CPEB3: variants seen among roughly 807,000 people sequenced by gnomAD.
CPEB3 encodes cytoplasmic polyadenylation element-binding protein 3.
In CPEB3, 20 loss-of-function variants were observed where a neutral mutation model predicts 67.2. The ratio of observed to expected loss-of-function variants is 0.30; its 90% CI spans 0.21 to 0.43. The LOEUF is 0.43. CPEB3 is among the 20% of genes least tolerant of loss of function. The probability of loss-of-function intolerance (pLI) is 1.00; values close to 1 mark genes in which losing one functional copy is unlikely to be tolerated. For missense variants in CPEB3, 746 were observed against 968.6 expected (o/e 0.77, Z 3.05); for synonymous variants, 376 against 393.1 (o/e 0.96, Z 0.51).
At chr10:92,165,403 C>CT (rs34205234) in intron 4 of CPEB3, among the ~76,000 whole-genome samples, 116,950 of 121,472 alleles carry the variant, frequency 0.96, 56,390 homozygotes, top group East Asian at 0.98. Flanking sequence ...CTTTTTTCTT[C>CT]TTTTTTTTTT....
At chr10:92,214,450 T>C (rs895319058) in intron 2 of CPEB3, among the ~76,000 whole-genome samples, 5 of 152,176 alleles carry the variant, frequency 3.3e-5, no homozygotes, top group African/African-American at 7.2e-5. Flanking sequence ...CTGTGGTATT[T>C]TTGTTACAGC....
chr10:92,115,986 C>T (rs1845004456), intron 6 of CPEB3, among the ~76,000 whole-genome samples: 1 of 151,782 alleles, frequency 6.6e-6, no homozygotes, highest in Non-Finnish European at 1.5e-5. Flanking sequence ...TTTTCTTCCA[C>T]AACAGTATCA....
intron 1 of CPEB3, among the ~76,000 whole-genome samples, chr10:92,280,343 C>CA (rs60338900): frequency 0.02 from 752 of 37,522 alleles, 2 homozygotes; most frequent in Middle Eastern, 0.053. Context: ...AACTCCATCT[C>CA]AAAAAAAAAA....
chr10:92,248,375 G>C (rs1439845555), intron 1 of CPEB3, among the ~76,000 whole-genome samples: 3 of 152,112 alleles, frequency 2.0e-5, no homozygotes, highest in South Asian at 2.1e-4. Flanking sequence ...TTGAATCAAA[G>C]AATATGTGGA....
intron 1 of CPEB3, among the ~76,000 whole-genome samples, chr10:92,288,899 A>T (rs1271905314): frequency 1.3e-5 from 2 of 152,226 alleles, no homozygotes; most frequent in African/African-American, 4.8e-5. Context: ...AAATAAGTAC[A>T]CAATAAGGTT....
At chr10:92,149,958 A>G (rs116400298) in intron 4 of CPEB3, among the ~76,000 whole-genome samples, 4 of 152,364 alleles carry the variant, frequency 2.6e-5, no homozygotes, top group African/African-American at 7.2e-5. Flanking sequence ...CCTGGGAAAT[A>G]TCCAAGTTCA....
chr10:92,098,770 C>CTTTTTT (rs984013045), intron 7 of CPEB3, among the ~76,000 whole-genome samples: 34 of 124,544 alleles, frequency 2.7e-4, no homozygotes, highest in East Asian at 4.4e-4. Flanking sequence ...TTCTTTTTTT[C>CTTTTTT]TTTTTTTTTT....
At chr10:92,199,877 T>C (rs912475994) in intron 2 of CPEB3, among the ~76,000 whole-genome samples, 1 of 136,474 alleles carries the variant, frequency 7.3e-6, no homozygotes, top group Non-Finnish European at 1.5e-5. Flanking sequence ...TATACGAACC[T>C]ATTTTTCTCC....
intron 2 of CPEB3, among the ~76,000 whole-genome samples, chr10:92,200,504 C>T (rs1411663705): frequency 1.4e-5 from 2 of 143,650 alleles, no homozygotes; most frequent in Non-Finnish European, 3.0e-5. Context: ...GAGATCACAC[C>T]ACTGCACTCC....
chr10:92,094,182 C>G (rs898277114), intron 7 of CPEB3, among the ~76,000 whole-genome samples: 2 of 152,018 alleles, frequency 1.3e-5, no homozygotes, highest in East Asian at 3.9e-4. Flanking sequence ...ACACTGTTGC[C>G]CTCACCAGTT....
At chr10:92,102,299 A>C (rs1376046487) in intron 7 of CPEB3, among the ~76,000 whole-genome samples, 1 of 152,226 alleles carries the variant, frequency 6.6e-6, no homozygotes, top group African/African-American at 2.4e-5. Flanking sequence ...TCTCACATTC[A>C]GACTATTCCT....
In CPEB3 at chr10:92,207,171, C is replaced by G. The variant is rs191803271; in HGVS notation, c.1006-14535G>C. Among the ~76,000 whole-genome samples the G allele has an allele frequency of 2.9e-3, 447 of 152,144 alleles. 3 individuals carry two copies. Among genetic ancestry groups the G allele is most frequent in the African/African-American group, 0.01 (429 of 41,536 alleles). ...CTAATTTTGGTATTTTTTGTAGAGACAGGGTTTTGCCATGTTGCTCAGGCT... is the reference window on the plus strand; with the variant it reads ...CTAATTTTGGTATTTTTTGTAGAGAGAGGGTTTTGCCATGTTGCTCAGGCT... On this transcript the variant is annotated intron_variant, in intron 2 of 9. Coordinates refer to ENST00000265997, the MANE Select transcript of CPEB3 (RefSeq NM_014912.5).
chr10:92,206,999 G>A (rs767341684), intron 2 of CPEB3, among the ~76,000 whole-genome samples: 72 of 149,742 alleles, frequency 4.8e-4, no homozygotes, highest in Admixed American at 8.6e-4. Context: ...CTTTTTTTTT[G>A]TTTTGAGACA....
chr10:92,236,746 T>TCA (rs3047561), intron 2 of CPEB3, among the ~76,000 whole-genome samples: 13,105 of 150,704 alleles, frequency 0.087, 1,528 homozygotes, highest in African/African-American at 0.27. Flanking sequence ...TGAAACATTG[T>TCA]CACACACACA....
At chr10:92,245,133 CTT>C (rs989695063) in intron 1 of CPEB3, among the ~76,000 whole-genome samples, 4 of 98,058 alleles carry the variant, frequency 4.1e-5, no homozygotes, top group African/African-American at 4.0e-5. Flanking sequence ...AGAAAAGAGT[CTT>C]TTTTTTTTTT....
intron 1 of CPEB3, among the ~76,000 whole-genome samples, chr10:92,259,641 T>C (rs960042738): frequency 2.0e-5 from 3 of 152,160 alleles, no homozygotes; most frequent in Non-Finnish European, 4.4e-5. Context: ...CACATTTTTA[T>C]TGCTTTGCAT....
intron 4 of CPEB3, among the ~76,000 whole-genome samples, chr10:92,153,690 C>T (rs1430896654): frequency 6.6e-6 from 1 of 151,972 alleles, no homozygotes; most frequent in Admixed American, 6.6e-5. Context: ...CTGAGGCAGG[C>T]GAATTGCTTG....
At chr10:92,081,575 AT>A in intron 8 of CPEB3, 74 bp from the exon 9 acceptor site, 1 of 1,293,468 alleles carries the variant, frequency 7.7e-7, no homozygotes, top group Non-Finnish European at 1.1e-6. Flanking sequence ...AGGAAGAATT[AT>A]TTAGAGATCA....
chr10:92,192,105 T>C (rs1849009477), intron 3 of CPEB3, among the ~76,000 whole-genome samples: 1 of 152,180 alleles, frequency 6.6e-6, no homozygotes, highest in Non-Finnish European at 1.5e-5. Flanking sequence ...AAGACTGCTT[T>C]ACTAACTCTC....
Sources: allele counts gnomAD v4.1 joint callset (sites outside exome capture counted in the v4.1 genomes callset), GRCh38; gene constraint gnomAD v4.1.1; transcripts MANE v1.5; gene names NCBI Gene and HGNC (gene_info 2026-07-23, HGNC 2026-07-21).